The following AGAP1 variants were observed in gnomAD, a reference collection of about 807,000 sequenced individuals.
The protein encoded by AGAP1 is arf-GAP with GTPase, ANK repeat and PH domain-containing protein 1.
AGAP1 carries 29 observed loss-of-function variants against 105.3 expected under a neutral mutation model. The observed-to-expected ratio is 0.28, with a 90% CI of 0.21 to 0.38. The LOEUF (loss-of-function observed/expected upper bound fraction) is 0.38, where lower values mean the gene tolerates loss of function less well. AGAP1 is among the 10% of genes least tolerant of loss of function. The pLI is 1.00. For missense variants in AGAP1, 998 were observed against 1,165.1 expected (o/e 0.86, Z 2.09); for synonymous variants, 509 against 485.9 (o/e 1.05, Z -0.63).
intron 16 of AGAP1, among the ~76,000 whole-genome samples, chr2:236,108,363 T>A (rs1256821428): frequency 6.6e-6 from 1 of 152,156 alleles, no homozygotes; most frequent in Non-Finnish European, 1.5e-5. Context: ...CCCTCTTTTC[T>A]CTCCTTCCTC....
chr2:235,941,695 G>T (rs906924820), intron 12 of AGAP1, among the ~76,000 whole-genome samples: 11 of 152,188 alleles, frequency 7.2e-5, no homozygotes, highest in Admixed American at 2.6e-4. Context: ...ATCGTATGCA[G>T]TGGTGTCCCA....
At position 235,792,489 on chromosome 2, in the gene AGAP1, T is replaced by G. The variant is rs1240995581; in HGVS notation, c.674-5270T>G. 2.6e-5 allele frequency among the ~76,000 whole-genome samples: 4 copies of G among 152,210 alleles called. No homozygotes were observed. The highest frequency in any genetic ancestry group is 4.4e-5 in the Non-Finnish European group (3 of 68,036). Reference sequence around the variant, plus strand: ...AAATAGAACAGCGCTGTGGTAAGATTTGCCTTTGAGGTCGCCCTGTGGTGT... The same window carrying G: ...AAATAGAACAGCGCTGTGGTAAGATGTGCCTTTGAGGTCGCCCTGTGGTGT... On this transcript the variant is annotated intron_variant, in intron 6 of 17. Transcript: ENST00000304032. The surrounding 1 kb of genome is among the most constrained non-coding windows in gnomAD (Gnocchi z 5.3).
chr2:235,506,137 G>A (rs1449182148), intron 1 of AGAP1, among the ~76,000 whole-genome samples: 1 of 151,944 alleles, frequency 6.6e-6, no homozygotes, highest in Admixed American at 6.6e-5. Flanking sequence ...CACCACGTTG[G>A]CCAGGCCGGT....
chr2:236,069,331 ATAATG>A (rs1328534913), intron 16 of AGAP1, among the ~76,000 whole-genome samples: 1 of 152,214 alleles, frequency 6.6e-6, no homozygotes, highest in African/African-American at 2.4e-5. Flanking sequence ...TACATTTCAT[ATAATG>A]TAATGAATTA....
chr2:235,834,806 G>T (rs182544320), intron 9 of AGAP1, among the ~76,000 whole-genome samples: 1 of 152,180 alleles, frequency 6.6e-6, no homozygotes, highest in Non-Finnish European at 1.5e-5. Flanking sequence ...ACTTCTGGGC[G>T]CATGTGTGGA....
chr2:235,677,652 C>T (rs949993573), intron 1 of AGAP1, among the ~76,000 whole-genome samples: 6 of 151,062 alleles, frequency 4.0e-5, no homozygotes, highest in Non-Finnish European at 7.4e-5. Flanking sequence ...TTGCTTGAGA[C>T]GATTGTCAGA....
rs1379945123 is a variant in AGAP1 at position 236,128,617 on chromosome 2, T to TGCCGTAGGC, written c.*4498_*4506dup. 4 of 152,246 alleles carry TGCCGTAGGC rather than the reference T, an allele frequency of 2.6e-5. No individual in the cohort carries two copies. Among genetic ancestry groups the TGCCGTAGGC allele is most frequent in the Non-Finnish European group, 5.9e-5 (4 of 68,082 alleles). 9.4% of individuals were successfully genotyped at this position (152,246 alleles called of 1,614,324 possible). On this transcript the variant is annotated 3_prime_UTR_variant, in exon 18 of 18. Transcript: ENST00000304032. This position sits in a 1 kb window ranked among gnomAD's most constrained non-coding sequence, Gnocchi z 5.9. ...CCTGCTCAACCTGCAGCCTCCAATG[T>TGCCGTAGGC]GCCGTAGGCGCTCTAGGTCCCCGTG...
At chr2:235,499,411 TC>T (rs1328844800) in intron 1 of AGAP1, among the ~76,000 whole-genome samples, 2 of 152,350 alleles carry the variant, frequency 1.3e-5, no homozygotes, top group Non-Finnish European at 2.9e-5. Flanking sequence ...AACATTTTCT[TC>T]CTGCTGTGGA....
Position 235,633,199 on chromosome 2 carries a change from G to A in AGAP1, c.164-75980G>A, listed in dbSNP as rs912634485. 6.6e-6 allele frequency among the ~76,000 whole-genome samples: 1 copy of A among 152,094 alleles called. No homozygotes were observed. Among genetic ancestry groups the A allele is most frequent in the Non-Finnish European group, 1.5e-5 (1 of 68,036 alleles). On this transcript the variant is annotated intron_variant, in intron 1 of 17. Coordinates refer to ENST00000304032, the MANE Select transcript of AGAP1 (RefSeq NM_001037131.3). The surrounding 1 kb of genome is among the most constrained non-coding windows in gnomAD (Gnocchi z 4.8). ...ACTTGATCCTGGTTTTACGGCATGC[G>A]GGAGCCTACGGAATGAAGACCCGAA... is the stretch of plus-strand genomic sequence containing the variant.
intron 13 of AGAP1, among the ~76,000 whole-genome samples, chr2:236,030,789 T>A (rs1053195920): frequency 6.6e-6 from 1 of 152,144 alleles, no homozygotes; most frequent in African/African-American, 2.4e-5. Flanking sequence ...CAGCACAAAC[T>A]TCTTACACAG....
chr2:235,772,859 T>G (rs538507666), intron 6 of AGAP1, among the ~76,000 whole-genome samples: 2 of 152,344 alleles, frequency 1.3e-5, no homozygotes, highest in African/African-American at 4.8e-5. Context: ...TGAGTCCTTG[T>G]GGGCCCTGCA....
At chr2:235,649,766 C>T (rs1025209830) in intron 1 of AGAP1, among the ~76,000 whole-genome samples, 1 of 152,174 alleles carries the variant, frequency 6.6e-6, no homozygotes, top group Non-Finnish European at 1.5e-5. Flanking sequence ...GGTTCTATCA[C>T]GGTAACGATA....
intron 1 of AGAP1, among the ~76,000 whole-genome samples, chr2:235,638,009 C>T (rs1313457036): frequency 6.6e-6 from 1 of 152,196 alleles, no homozygotes; most frequent in Non-Finnish European, 1.5e-5. Flanking sequence ...ACTCGTTCTA[C>T]TGATCGAGCT....
chr2:236,051,919 CT>C lies in AGAP1; in HGVS notation c.2114+2639del, dbSNP rs2057911601. On this transcript the variant is annotated intron_variant, in intron 16 of 17. Coordinates refer to ENST00000304032, the MANE Select transcript of AGAP1 (RefSeq NM_001037131.3). This position sits in a 1 kb window ranked among gnomAD's most constrained non-coding sequence, Gnocchi z 5.9. ...TTCAGACTCCCACCACCTTCACCAC[CT>C]CCTGCACGTCCCCTCAATAGAAAAT... 6.6e-6 allele frequency among the ~76,000 whole-genome samples: 1 copy of C among 152,132 alleles called. No individual in the cohort carries two copies. Among genetic ancestry groups the C allele is most frequent in the Non-Finnish European group, 1.5e-5 (1 of 68,022 alleles).
rs1483371794 is a variant in AGAP1 at position 235,739,985 on chromosome 2, A to AGAGGAGCGGAAGAC, written c.311-977_311-964dup. On this transcript the variant is annotated intron_variant, in intron 3 of 17. Coordinates refer to ENST00000304032, the MANE Select transcript of AGAP1 (RefSeq NM_001037131.3). This position sits in a 1 kb window ranked among gnomAD's most constrained non-coding sequence, Gnocchi z 5.3. ...CAGGGTTTCTGGACGGCATCTGCAC[A>AGAGGAGCGGAAGAC]GAGGAGCGGAAGACAAGAGCTGGGA... Among the ~76,000 whole-genome samples, 1 of 152,230 alleles carries AGAGGAGCGGAAGAC rather than the reference A, an allele frequency of 6.6e-6. No homozygotes were observed. The highest frequency in any genetic ancestry group is 1.5e-5 in the Non-Finnish European group (1 of 68,036).
At chr2:236,091,122 G>A (rs1037969069) in intron 16 of AGAP1, among the ~76,000 whole-genome samples, 5 of 152,220 alleles carry the variant, frequency 3.3e-5, no homozygotes, top group South Asian at 2.1e-4. Flanking sequence ...TTCTACACAC[G>A]TGCATGCGTG....
intron 2 of AGAP1, among the ~76,000 whole-genome samples, chr2:235,710,743 G>T (rs1950813082): frequency 6.6e-6 from 1 of 152,182 alleles, no homozygotes; most frequent in African/African-American, 2.4e-5. Flanking sequence ...TGGCAATGCT[G>T]TTACCAGGAG....
chr2:236,003,085 C>T lies in AGAP1; in HGVS notation c.1646-33476C>T, dbSNP rs2056191074. Among the ~76,000 whole-genome samples the T allele has an allele frequency of 6.6e-6, 1 of 152,168 alleles. No homozygotes were observed. Among genetic ancestry groups the T allele is most frequent in the African/African-American group, 2.4e-5 (1 of 41,444 alleles). ...GCCAACAGAGTCTTGATCTATTGCC[C>T]AGGCTGGAGTGCAGTGGCACGGTCT... On this transcript the variant is annotated intron_variant, in intron 13 of 17. Coordinates refer to ENST00000304032, the MANE Select transcript of AGAP1 (RefSeq NM_001037131.3). The surrounding 1 kb of genome is among the most constrained non-coding windows in gnomAD (Gnocchi z 4.2).
chr2:235,695,130 G>A (rs1185722804), intron 1 of AGAP1, among the ~76,000 whole-genome samples: 1 of 152,210 alleles, frequency 6.6e-6, no homozygotes, highest in African/African-American at 2.4e-5. Flanking sequence ...TTTTCCTCGT[G>A]TTTCCTCCTT....
Sources: gnomAD v4.1 joint callset for allele counts (sites outside exome capture counted in the v4.1 genomes callset) on GRCh38, gnomAD v4.1.1 for gene constraint, Gnocchi (gnomAD v3.1) non-coding constraint, MANE v1.5 for transcripts, NCBI Gene and HGNC (gene_info 2026-07-23, HGNC 2026-07-21) for gene names.